ADARB2: variants seen among roughly 807,000 people sequenced by gnomAD.
The protein encoded by ADARB2 is adenosine deaminase RNA specific B2 (inactive).
In ADARB2, 25 loss-of-function variants were observed where a neutral mutation model predicts 62.2. The observed-to-expected ratio is 0.40, with a 90% CI of 0.29 to 0.56. The LOEUF (loss-of-function observed/expected upper bound fraction) is 0.56. Among genes scored for constraint, ADARB2 ranks in the 20% least tolerant of loss-of-function variants. The pLI is 0.43. For missense variants in ADARB2, 1,071 were observed against 1,077.4 expected, an observed-to-expected ratio of 0.99 and a Z score of 0.08; for synonymous variants, 572 against 500.8, an observed-to-expected ratio of 1.14 and a Z score of -1.90.
intron 3 of ADARB2, among the ~76,000 whole-genome samples, chr10:1,334,401 T>C (rs753021549): frequency 6.6e-6 from 1 of 152,216 alleles, no homozygotes; most frequent in South Asian, 2.1e-4. Flanking sequence ...CTCACTGTGC[T>C]TCCTACAGAG....
chr10:1,181,117 A>G lies in ADARB2; in HGVS notation c.*2076T>C, dbSNP rs1376156472. Reference sequence around the variant, plus strand: ...GATTTGGAGCCCACTGGGACAAAGCATTATATGCTTCTCTAGCCAACATCT... The same window carrying G: ...GATTTGGAGCCCACTGGGACAAAGCGTTATATGCTTCTCTAGCCAACATCT... On this transcript the variant is annotated 3_prime_UTR_variant, in exon 10 of 10. Transcript: ENST00000381312. The G allele has an allele frequency of 6.6e-6, 1 of 152,270 alleles. No homozygotes were observed. The highest frequency in any genetic ancestry group is 1.5e-5 in the Non-Finnish European group (1 of 68,042). The allele number at this position is 152,270 out of a possible 1,614,324, so 9.4% of individuals were successfully genotyped here. A position where few individuals can be genotyped will look rare whatever the true frequency, so the allele number is the denominator to read the frequency against.
intron 3 of ADARB2, among the ~76,000 whole-genome samples, chr10:1,341,450 C>T (rs565457927): frequency 6.3e-5 from 9 of 143,996 alleles, no homozygotes; most frequent in Admixed American, 4.1e-4. Context: ...CGGCAATAAC[C>T]GGCATCCACC....
intron 1 of ADARB2, among the ~76,000 whole-genome samples, chr10:1,386,183 C>T (rs1210101811): frequency 6.6e-6 from 1 of 151,368 alleles, no homozygotes; most frequent in Non-Finnish European, 1.5e-5. Flanking sequence ...AGAGGTATAG[C>T]TAAAAAGTCA....
At chr10:1,664,956 A>G (rs1045757276) in intron 1 of ADARB2, among the ~76,000 whole-genome samples, 1 of 152,198 alleles carries the variant, frequency 6.6e-6, no homozygotes, top group African/African-American at 2.4e-5. Flanking sequence ...GATGGCATTC[A>G]GGAGGCCACA....
intron 3 of ADARB2, among the ~76,000 whole-genome samples, chr10:1,310,148 G>T (rs1310084443): frequency 6.6e-6 from 1 of 152,160 alleles, no homozygotes; most frequent in Non-Finnish European, 1.5e-5. Flanking sequence ...TGTTGAATGG[G>T]GCCTATTTTG....
chr10:1,371,921 G>A (rs1189906574), intron 2 of ADARB2, among the ~76,000 whole-genome samples: 1 of 151,432 alleles, frequency 6.6e-6, no homozygotes, highest in Non-Finnish European at 1.5e-5. Context: ...AAGGAACTAA[G>A]AATAGAACCA....
intron 1 of ADARB2, among the ~76,000 whole-genome samples, chr10:1,396,162 AATT>A (rs748051579): frequency 1.9e-3 from 295 of 152,262 alleles, no homozygotes; most frequent in Non-Finnish European, 2.9e-3. Context: ...GTCTAAATCT[AATT>A]ATTTCCTCAG....
At chr10:1,702,486 A>T (rs570797478) in intron 1 of ADARB2, among the ~76,000 whole-genome samples, 6 of 152,302 alleles carry the variant, frequency 3.9e-5, no homozygotes, top group Non-Finnish European at 8.8e-5. Flanking sequence ...CAGGTAGGGA[A>T]TCCCGAAAAT....
At chr10:1,428,161 T>C (rs1830726051) in intron 1 of ADARB2, among the ~76,000 whole-genome samples, 1 of 151,764 alleles carries the variant, frequency 6.6e-6, no homozygotes, top group Non-Finnish European at 1.5e-5. Context: ...TTAGTAGATA[T>C]GAGGTTTCAC....
At chr10:1,450,629 G>A (rs1831025538) in intron 1 of ADARB2, among the ~76,000 whole-genome samples, 1 of 152,246 alleles carries the variant, frequency 6.6e-6, no homozygotes, top group African/African-American at 2.4e-5. Context: ...AACAAGAACA[G>A]GCTGCCTAAA....
chr10:1,553,582 G>T (rs960988706), intron 1 of ADARB2, among the ~76,000 whole-genome samples: 1 of 152,184 alleles, frequency 6.6e-6, no homozygotes, highest in Non-Finnish European at 1.5e-5. Flanking sequence ...TAACGGACTC[G>T]AGGAGGCCGG....
intron 1 of ADARB2, among the ~76,000 whole-genome samples, chr10:1,600,534 C>A (rs1833397793): frequency 1.3e-5 from 2 of 151,864 alleles, no homozygotes; most frequent in Non-Finnish European, 2.9e-5. Flanking sequence ...TGGTGGTGCG[C>A]CCCTGTAATC....
At chr10:1,184,191 A>C (rs1836718597) in intron 9 of ADARB2, among the ~76,000 whole-genome samples, 1 of 152,214 alleles carries the variant, frequency 6.6e-6, no homozygotes, top group South Asian at 2.1e-4. Flanking sequence ...ACCAGTTGAC[A>C]AATCAACACT....
chr10:1,341,212 G>A (rs1832023484), intron 3 of ADARB2, among the ~76,000 whole-genome samples: 1 of 151,772 alleles, frequency 6.6e-6, no homozygotes, highest in African/African-American at 2.4e-5. Context: ...ATCCACCAGA[G>A]AACCACGTGC....
rs1317383680 is a variant in ADARB2 at position 1,243,826 on chromosome 10, C to T, written c.1193-1527G>A. Among the ~76,000 whole-genome samples the T allele has an allele frequency of 2.6e-5, 4 of 152,222 alleles. No individual in the cohort carries two copies. The East Asian group carries it at 7.7e-4, about 29-fold the overall frequency. ...CCACTGCTCTCTCCGCTCATCCCAG[C>T]TTCTCCCAGCAGCCCCCGTTTCTGT... On this transcript the variant is annotated intron_variant, in intron 4 of 9. Coordinates refer to ENST00000381312, the MANE Select transcript of ADARB2 (RefSeq NM_018702.4).
chr10:1,416,043 G>A (rs977982491), intron 1 of ADARB2, among the ~76,000 whole-genome samples: 1 of 152,190 alleles, frequency 6.6e-6, no homozygotes, highest in Non-Finnish European at 1.5e-5. Flanking sequence ...ACCCGCCATG[G>A]GGCTTAACAA....
intron 8 of ADARB2, chr10:1,199,303 G>A (rs1456438466): frequency 2.0e-5 from 3 of 151,414 alleles, no homozygotes; most frequent in Admixed American, 6.6e-5. Context: ...ACCACTCCCG[G>A]GGCTTTCTAG....
intron 1 of ADARB2, among the ~76,000 whole-genome samples, chr10:1,380,264 C>A (rs1363984145): frequency 1.3e-5 from 2 of 152,236 alleles, no homozygotes; most frequent in African/African-American, 2.4e-5. Context: ...CGGTGCAGAG[C>A]GCGACAGAAG....
At chr10:1,275,055 C>G (rs1286816380) in intron 3 of ADARB2, among the ~76,000 whole-genome samples, 1 of 152,198 alleles carries the variant, frequency 6.6e-6, no homozygotes, top group African/African-American at 2.4e-5. Flanking sequence ...CCCTAGGCTC[C>G]CACTATGAAC....
Sources: gnomAD v4.1 joint callset for allele counts (sites outside exome capture counted in the v4.1 genomes callset) on GRCh38, gnomAD v4.1.1 for gene constraint, MANE v1.5 for transcripts, NCBI Gene and HGNC (gene_info 2026-07-23, HGNC 2026-07-21) for gene names.